The following CADPS2 variants were observed in gnomAD, a reference collection of about 807,000 sequenced individuals.
The protein encoded by CADPS2 is calcium dependent secretion activator 2.
In CADPS2, 93 loss-of-function variants were observed where a neutral mutation model predicts 172.5. The ratio of observed to expected loss-of-function variants is 0.54; its 90% CI spans 0.46 to 0.64. CADPS2 has a LOEUF of 0.64. CADPS2 is among the 30% of genes least tolerant of loss of function. The pLI is 0.00. For missense variants in CADPS2, 1,420 were observed against 1,565.9 expected (o/e 0.91, Z 1.57); for synonymous variants, 546 against 555.2 (o/e 0.98, Z 0.23).
At chr7:122,767,453 C>T (rs139852087) in intron 1 of CADPS2, among the ~76,000 whole-genome samples, 10 of 152,074 alleles carry the variant, frequency 6.6e-5, no homozygotes, top group Non-Finnish European at 1.3e-4. Flanking sequence ...TCCTCAGAGA[C>T]CATAGTTGTG....
At chr7:122,600,108 A>C (rs2072520157) in intron 6 of CADPS2, among the ~76,000 whole-genome samples, 1 of 152,110 alleles carries the variant, frequency 6.6e-6, no homozygotes, top group Non-Finnish European at 1.5e-5. Context: ...TTTTAAGAAA[A>C]GGATGGCTAT....
At chr7:122,697,116 G>A (rs544242826) in intron 2 of CADPS2, among the ~76,000 whole-genome samples, 19 of 152,168 alleles carry the variant, frequency 1.2e-4, no homozygotes, top group East Asian at 3.9e-4. Flanking sequence ...AACAATTATT[G>A]TAAGTAACAC....
At chr7:122,529,935 ATTTT>A (rs1251056492) in intron 8 of CADPS2, among the ~76,000 whole-genome samples, 1 of 152,048 alleles carries the variant, frequency 6.6e-6, no homozygotes, top group Non-Finnish European at 1.5e-5. Flanking sequence ...AGAGGTTTTT[ATTTT>A]TTATTTCCTT....
At position 122,393,489 on chromosome 7, in the gene CADPS2, G is replaced by A. The variant is rs1401040809; in HGVS notation, c.2840C>T (p.Ala947Val). 6.2e-7 allele frequency: 1 copy of A among 1,613,852 alleles called. No individual in the cohort carries two copies. Among genetic ancestry groups the A allele is most frequent in the East Asian group, 2.2e-5 (1 of 44,866 alleles). The change falls in exon 21 of 30, where the codon GCC becomes GTC. Residue 947 changes from alanine to valine, a missense_variant. Ala to Val is a moderately conservative substitution (Grantham distance 64). Coordinates refer to ENST00000449022, the MANE Select transcript of CADPS2 (RefSeq NM_017954.11). ...RYVDLMESSIAQSIHRGFEQE... is the reference protein window; with the variant it reads ...RYVDLMESSIVQSIHRGFEQE... ...CTCAAAACCTCTGTGAATTGACTGG[G>A]CGATGGAAGACTCCATGAGATCCAC...
At chr7:122,780,058 C>T (rs1299289415) in intron 1 of CADPS2, among the ~76,000 whole-genome samples, 2 of 152,002 alleles carry the variant, frequency 1.3e-5, no homozygotes, top group Non-Finnish European at 2.9e-5. Context: ...TGGTTCTTTC[C>T]ATAATTTTAG....
chr7:122,631,428 G>A (rs971503007), intron 3 of CADPS2, among the ~76,000 whole-genome samples: 1 of 152,012 alleles, frequency 6.6e-6, no homozygotes, highest in Non-Finnish European at 1.5e-5. Flanking sequence ...GTTTGTAAGA[G>A]ACAATTTACA....
At chr7:122,564,353 G>A (rs1043870154) in intron 7 of CADPS2, among the ~76,000 whole-genome samples, 1 of 152,086 alleles carries the variant, frequency 6.6e-6, no homozygotes, top group Non-Finnish European at 1.5e-5. Context: ...TGCCCAGGCA[G>A]GCTGGAGTGC....
At chr7:122,619,388 G>C (rs1255943339) in intron 5 of CADPS2, among the ~76,000 whole-genome samples, 1 of 151,488 alleles carries the variant, frequency 6.6e-6, no homozygotes. Context: ...CACTTTGGGT[G>C]GATTGTCTGA....
At chr7:122,494,721 G>A (rs1330388727) in intron 9 of CADPS2, among the ~76,000 whole-genome samples, 3 of 151,926 alleles carry the variant, frequency 2.0e-5, no homozygotes, top group African/African-American at 7.2e-5. Flanking sequence ...AAAACATTAA[G>A]CCTTAATGGG....
chr7:122,489,943 G>T, intron 11 of CADPS2, 138 bp downstream of exon 11: 1 of 694,668 alleles, frequency 1.4e-6, no homozygotes, highest in Non-Finnish European at 2.4e-6. Flanking sequence ...GTGATTATGT[G>T]ACTACTAATA....
intron 24 of CADPS2, 79 bp from the exon 25 acceptor site, chr7:122,379,521 A>C: frequency 1.2e-6 from 1 of 804,938 alleles, no homozygotes; most frequent in Non-Finnish European, 2.1e-6. Flanking sequence ...CTCTAAATCT[A>C]CTAGTTATGA....
intron 2 of CADPS2, among the ~76,000 whole-genome samples, chr7:122,690,146 C>A (rs1327859209): frequency 1.3e-5 from 2 of 152,176 alleles, no homozygotes; most frequent in Non-Finnish European, 2.9e-5. Flanking sequence ...AGCATGCCAA[C>A]TTACAGCTGA....
At chr7:122,666,854 A>T (rs565322328) in intron 2 of CADPS2, among the ~76,000 whole-genome samples, 2 of 152,068 alleles carry the variant, frequency 1.3e-5, no homozygotes, top group East Asian at 3.9e-4. Flanking sequence ...CCCACTGTGG[A>T]CAGCTTCCCC....
At chr7:122,706,597 C>T (rs1010335111) in intron 2 of CADPS2, among the ~76,000 whole-genome samples, 5 of 147,184 alleles carry the variant, frequency 3.4e-5, no homozygotes, top group African/African-American at 1.2e-4. Context: ...ATATATATCA[C>T]ACACACTTAA....
At chr7:122,730,831 T>C (rs1430628812) in intron 2 of CADPS2, among the ~76,000 whole-genome samples, 2 of 151,682 alleles carry the variant, frequency 1.3e-5, no homozygotes, top group Non-Finnish European at 3.0e-5. Flanking sequence ...AACATAAACA[T>C]ATACTACTTC....
chr7:122,801,221 T>C (rs1228118540), intron 1 of CADPS2, among the ~76,000 whole-genome samples: 2 of 152,068 alleles, frequency 1.3e-5, no homozygotes, highest in Non-Finnish European at 2.9e-5. Flanking sequence ...ACTAACATAA[T>C]CCACTAACCA....
chr7:122,531,232 A>T (rs2061726001), intron 8 of CADPS2, among the ~76,000 whole-genome samples: 3 of 152,244 alleles, frequency 2.0e-5, no homozygotes, highest in Admixed American at 6.5e-5. Flanking sequence ...AACTGCAGAG[A>T]GCGTCAAAGA....
At chr7:122,830,033 C>A (rs1485236642) in intron 1 of CADPS2, among the ~76,000 whole-genome samples, 1 of 139,370 alleles carries the variant, frequency 7.2e-6, no homozygotes, top group Non-Finnish European at 1.5e-5. Flanking sequence ...AAAAAAAAAA[C>A]AGTACAAGTA....
chr7:122,726,165 A>G (rs995556566), intron 2 of CADPS2, among the ~76,000 whole-genome samples: 1 of 151,794 alleles, frequency 6.6e-6, no homozygotes, highest in East Asian at 1.9e-4. Context: ...TCTTATAGAA[A>G]CTGTCAATGA....
Sources: allele counts gnomAD v4.1 joint callset (sites outside exome capture counted in the v4.1 genomes callset), GRCh38; gene constraint gnomAD v4.1.1; transcripts MANE v1.5; gene names NCBI Gene and HGNC (gene_info 2026-07-23, HGNC 2026-07-21).